Variants in CEMIP observed in about 807,000 individuals in gnomAD.
The protein encoded by CEMIP is cell migration inducing hyaluronidase 1.
CEMIP carries 105 observed loss-of-function variants against 156.9 expected under a neutral mutation model. The observed-to-expected ratio is 0.67, with a 90% CI of 0.57 to 0.79. The LOEUF (loss-of-function observed/expected upper bound fraction) is 0.79. CEMIP is among the 30% of genes least tolerant of loss of function. The pLI, the probability that CEMIP is intolerant of heterozygous loss-of-function variation, is 0.00. For missense variants in CEMIP, 1,457 were observed against 1,769.4 expected, an observed-to-expected ratio of 0.82 and a Z score of 3.17; for synonymous variants, 676 against 668.4, an observed-to-expected ratio of 1.01 and a Z score of -0.17.
intron 12 of CEMIP, among the ~76,000 whole-genome samples, chr15:80,898,440 A>G (rs1596169746): frequency 6.6e-6 from 1 of 152,256 alleles, no homozygotes; most frequent in Non-Finnish European, 1.5e-5. Flanking sequence ...AGGTGCAATA[A>G]TTTAGCAGCT....
At chr15:80,922,273 G>A (rs1029774059) in intron 17 of CEMIP, 136 bp downstream of exon 17, 2 of 1,210,792 alleles carry the variant, frequency 1.7e-6, no homozygotes, top group Non-Finnish European at 2.4e-6. Context: ...CGAAGAAAAT[G>A]GAGCAGCCTT....
At chr15:80,849,527 T>C (rs1304443966) in intron 1 of CEMIP, among the ~76,000 whole-genome samples, 1 of 152,126 alleles carries the variant, frequency 6.6e-6, no homozygotes, top group Non-Finnish European at 1.5e-5. Context: ...GTGGGATCGG[T>C]TACCAACTCT....
chr15:80,808,685 T>C (rs1162456144), intron 1 of CEMIP, among the ~76,000 whole-genome samples: 1 of 151,180 alleles, frequency 6.6e-6, no homozygotes, highest in Non-Finnish European at 1.5e-5. Context: ...GAAATAGAAG[T>C]AGTTTGGGTA....
At chr15:80,827,452 C>T (rs981010522) in intron 1 of CEMIP, among the ~76,000 whole-genome samples, 1 of 152,086 alleles carries the variant, frequency 6.6e-6, no homozygotes, top group Non-Finnish European at 1.5e-5. Flanking sequence ...AACCCTGTCT[C>T]TACTAAAAAT....
At chr15:80,928,864 A>G in intron 19 of CEMIP, 38 bp from the exon 20 acceptor site, 2 of 1,612,736 alleles carry the variant, frequency 1.2e-6, no homozygotes, top group Non-Finnish European at 1.7e-6. Context: ...ATGTGAAGCC[A>G]GGGCATGCTC....
intron 1 of CEMIP, among the ~76,000 whole-genome samples, chr15:80,794,174 G>A (rs915512537): frequency 6.6e-6 from 1 of 152,210 alleles, no homozygotes; most frequent in Admixed American, 6.5e-5. Flanking sequence ...GGCCCCTAGA[G>A]AGGGTTGTAG....
At chr15:80,923,885 G>C (rs895807558) in intron 17 of CEMIP, among the ~76,000 whole-genome samples, 4 of 152,152 alleles carry the variant, frequency 2.6e-5, no homozygotes, top group African/African-American at 9.7e-5. Flanking sequence ...GTAGAGCTGC[G>C]AGTCAACCCC....
chr15:80,838,203 G>A (rs1290787738), intron 1 of CEMIP, among the ~76,000 whole-genome samples: 1 of 152,162 alleles, frequency 6.6e-6, no homozygotes, highest in East Asian at 1.9e-4. Context: ...AGCGGAGGGT[G>A]GGGACGAGTC....
intron 1 of CEMIP, among the ~76,000 whole-genome samples, chr15:80,791,121 A>C (rs948912585): frequency 2.0e-5 from 3 of 152,108 alleles, no homozygotes; most frequent in African/African-American, 7.2e-5. Flanking sequence ...AAAAAAAAAA[A>C]AGATATTTAG....
chr15:80,857,839 G>T (rs1262086931), intron 1 of CEMIP, among the ~76,000 whole-genome samples: 3 of 152,212 alleles, frequency 2.0e-5, no homozygotes, highest in African/African-American at 2.4e-5. Context: ...GGGTATTGAG[G>T]CAGGGACCTT....
intron 19 of CEMIP, among the ~76,000 whole-genome samples, chr15:80,926,246 A>G (rs966290779): frequency 8.5e-5 from 13 of 152,186 alleles, no homozygotes; most frequent in Non-Finnish European, 1.5e-4. Flanking sequence ...TTGGAGCCAC[A>G]GTTCACTGGA....
At chr15:80,834,386 C>T (rs1342460359) in intron 1 of CEMIP, among the ~76,000 whole-genome samples, 1 of 152,128 alleles carries the variant, frequency 6.6e-6, no homozygotes, top group Non-Finnish European at 1.5e-5. Flanking sequence ...CCTGTCCTAC[C>T]TTTTCTTCTG....
chr15:80,818,702 C>T (rs765690430), intron 1 of CEMIP, among the ~76,000 whole-genome samples: 8 of 152,202 alleles, frequency 5.3e-5, no homozygotes, highest in Admixed American at 2.6e-4. Flanking sequence ...AGTCTCACCT[C>T]GTGCCAACTC....
At chr15:80,791,518 C>G (rs533567436) in intron 1 of CEMIP, among the ~76,000 whole-genome samples, 2 of 152,116 alleles carry the variant, frequency 1.3e-5, no homozygotes, top group Non-Finnish European at 2.9e-5. Flanking sequence ...TTTCAGGGGT[C>G]TTGTGGTTCG....
At chr15:80,916,413 T>A (rs1900276772) in intron 14 of CEMIP, among the ~76,000 whole-genome samples, 1 of 152,142 alleles carries the variant, frequency 6.6e-6, no homozygotes, top group Non-Finnish European at 1.5e-5. Flanking sequence ...CTGCCGACCA[T>A]CAGCAGGAAG....
At chr15:80,887,567 C>A (rs545180191) in intron 7 of CEMIP, 127 bp from the exon 8 acceptor site, 2 of 726,158 alleles carry the variant, frequency 2.8e-6, no homozygotes, top group Admixed American at 4.1e-5. Context: ...AATGAATTTC[C>A]CCCAAACAGC....
intron 1 of CEMIP, among the ~76,000 whole-genome samples, chr15:80,810,421 G>A (rs1334531631): frequency 6.6e-6 from 1 of 152,172 alleles, no homozygotes; most frequent in African/African-American, 2.4e-5. Context: ...AGGCTGGAGT[G>A]CAGTGGCGCA....
At chr15:80,798,289 A>T (rs1051303676) in intron 1 of CEMIP, among the ~76,000 whole-genome samples, 1 of 152,212 alleles carries the variant, frequency 6.6e-6, no homozygotes, top group African/African-American at 2.4e-5. Context: ...CTTAAAGTTT[A>T]TTCATAAGCA....
intron 25 of CEMIP, among the ~76,000 whole-genome samples, chr15:80,939,536 T>G (rs976168934): frequency 6.6e-6 from 1 of 152,204 alleles, no homozygotes; most frequent in Non-Finnish European, 1.5e-5. Context: ...ATGAGTGAAA[T>G]GTTCAAAAGA....
Sources: allele counts gnomAD v4.1 joint callset (sites outside exome capture counted in the v4.1 genomes callset), GRCh38; gene constraint gnomAD v4.1.1; transcripts MANE v1.5; gene names NCBI Gene and HGNC (gene_info 2026-07-23, HGNC 2026-07-21).